ZNF610: variants seen among roughly 807,000 people sequenced by gnomAD.
The protein encoded by ZNF610 is zinc finger protein 610.
ZNF610 carries 14 observed loss-of-function variants against 14.1 expected under a neutral mutation model. The ratio of observed to expected loss-of-function variants is 0.99; its 90% CI spans 0.65 to 1.55. The LOEUF is 1.55. Among genes scored for constraint, ZNF610 ranks in the 40% most tolerant of loss-of-function variants. ZNF610 has a pLI of 0.00. For missense variants in ZNF610, 530 were observed against 558.0 expected, an observed-to-expected ratio of 0.95 and a Z score of 0.51; for synonymous variants, 185 against 187.6, an observed-to-expected ratio of 0.99 and a Z score of 0.11.
chr19:52,357,096 A>G (rs949545770), intron 5 of ZNF610, among the ~76,000 whole-genome samples: 17 of 152,236 alleles, frequency 1.1e-4, no homozygotes, highest in Admixed American at 2.0e-4. Flanking sequence ...GGAACTTTCG[A>G]CCAACTGGCT....
chr19:52,331,273 C>T (rs1376183910), upstream of ZNF610, among the ~76,000 whole-genome samples: 2 of 152,182 alleles, frequency 1.3e-5, no homozygotes, highest in Non-Finnish European at 2.9e-5. Context: ...GTATACTTAA[C>T]CTTTGTCTAA....
At chr19:52,337,297 G>A (rs1047960728) in intron 1 of ZNF610, among the ~76,000 whole-genome samples, 4 of 152,000 alleles carry the variant, frequency 2.6e-5, no homozygotes, top group African/African-American at 9.7e-5. Flanking sequence ...AGCATGGGGA[G>A]GCCTGGGATC....
rs143660464 is a variant in ZNF610 at position 52,341,224 on chromosome 19, C to A, written c.-258+4718C>A. 1.4e-3 allele frequency among the ~76,000 whole-genome samples: 217 copies of A among 152,316 alleles called. 8 individuals carry two copies. In the East Asian group the frequency reaches 0.03, roughly 21 times the overall value. ...TCTTGCCCCTAGTTCTTGGTTGACT[C>A]CATCCAATCAAGTTATCGCATCCAC... On this transcript the variant is annotated intron_variant, in intron 1 of 5. Transcript: ENST00000403906.
intron 5 of ZNF610, among the ~76,000 whole-genome samples, chr19:52,362,390 A>G (rs969005552): frequency 2.0e-5 from 3 of 152,218 alleles, no homozygotes; most frequent in Admixed American, 6.5e-5. Context: ...CAGCCTGGTG[A>G]CAGAGCGAGA....
intron 2 of ZNF610, among the ~76,000 whole-genome samples, chr19:52,348,734 T>A (rs1777694109): frequency 6.6e-6 from 1 of 152,176 alleles, no homozygotes; most frequent in African/African-American, 2.4e-5. Context: ...CATATCCTCA[T>A]GGATACGGGG....
At chr19:52,362,826 T>C (rs1985845415) in intron 5 of ZNF610, among the ~76,000 whole-genome samples, 1 of 152,224 alleles carries the variant, frequency 6.6e-6, no homozygotes, top group South Asian at 2.1e-4. Context: ...TAACATGAAG[T>C]CCATCCTGGA....
chr19:52,363,743 A>G (rs993078748), intron 5 of ZNF610, among the ~76,000 whole-genome samples: 4 of 152,100 alleles, frequency 2.6e-5, no homozygotes, highest in African/African-American at 9.7e-5. Flanking sequence ...GTTTCAGCCA[A>G]TTTATGTCTT....
At chr19:52,341,069 G>A (rs558265804) in intron 1 of ZNF610, among the ~76,000 whole-genome samples, 18 of 152,010 alleles carry the variant, frequency 1.2e-4, no homozygotes, top group Admixed American at 3.9e-4. Context: ...AAGCCTTTTC[G>A]TTCCATTTTT....
At chr19:52,333,925 A>C (rs1984262820), upstream of ZNF610, among the ~76,000 whole-genome samples, 1 of 152,208 alleles carries the variant, frequency 6.6e-6, no homozygotes, top group Admixed American at 6.5e-5. Context: ...CTATGGAGTC[A>C]CTGTTTTCAA....
At chr19:52,355,898 CTCT>C (rs1985501044) in intron 5 of ZNF610, among the ~76,000 whole-genome samples, 1 of 152,244 alleles carries the variant, frequency 6.6e-6, no homozygotes, top group Non-Finnish European at 1.5e-5. Context: ...CATTTGGAAC[CTCT>C]TGTGACCCCA....
chr19:52,365,062 G>A (rs62108312), intron 5 of ZNF610, among the ~76,000 whole-genome samples: 26,966 of 151,782 alleles, frequency 0.18, 2,677 homozygotes, highest in East Asian at 0.25. Flanking sequence ...TCTGGCCAAC[G>A]TGGTGAAACC....
At chr19:52,356,546 A>G (rs774977572) in intron 5 of ZNF610, among the ~76,000 whole-genome samples, 3 of 152,018 alleles carry the variant, frequency 2.0e-5, no homozygotes, top group Non-Finnish European at 4.4e-5. Flanking sequence ...CCATTGATTT[A>G]TATATTTTTG....
chr19:52,359,955 A>G (rs1006916253), intron 5 of ZNF610, among the ~76,000 whole-genome samples: 2 of 152,166 alleles, frequency 1.3e-5, no homozygotes, highest in African/African-American at 4.8e-5. Flanking sequence ...AGTTTATTAT[A>G]AAGGCTATTG....
At chr19:52,344,393 GTTTC>G (rs1336529410) in intron 1 of ZNF610, among the ~76,000 whole-genome samples, 5 of 152,166 alleles carry the variant, frequency 3.3e-5, no homozygotes, top group Middle Eastern at 3.4e-3. Flanking sequence ...AGCTGTGTGT[GTTTC>G]TTTCTTTCCC....
chr19:52,343,515 C>T (rs181888015), intron 1 of ZNF610, among the ~76,000 whole-genome samples: 3 of 151,760 alleles, frequency 2.0e-5, no homozygotes, highest in Non-Finnish European at 4.4e-5. Flanking sequence ...TGCAGCGAGC[C>T]GATATCATGC....
intron 1 of ZNF610, among the ~76,000 whole-genome samples, chr19:52,346,259 G>T (rs1984952372): frequency 6.6e-6 from 1 of 151,124 alleles, no homozygotes; most frequent in Non-Finnish European, 1.5e-5. Flanking sequence ...CTGCCTTCCG[G>T]GTTCCAGCGA....
chr19:52,355,233 T>C (rs1193032223), intron 5 of ZNF610, among the ~76,000 whole-genome samples: 1 of 152,126 alleles, frequency 6.6e-6, no homozygotes, highest in Non-Finnish European at 1.5e-5. Flanking sequence ...TCCCTGTAGG[T>C]CAAAGCTGAG....
At chr19:52,331,118 G>A in the ZNF610 span, among the ~76,000 whole-genome samples, 1 of 152,100 alleles carries the variant, frequency 6.6e-6, no homozygotes, top group Non-Finnish European at 1.5e-5. Context: ...GAGAATGTGA[G>A]GATTTTTATA....
At chr19:52,357,194 C>T (rs1037343759) in intron 5 of ZNF610, among the ~76,000 whole-genome samples, 1 of 152,136 alleles carries the variant, frequency 6.6e-6, no homozygotes. Flanking sequence ...ACATACTTAA[C>T]ATTTACAGGG....
Sources: gnomAD v4.1 joint callset for allele counts (sites outside exome capture counted in the v4.1 genomes callset) on GRCh38, gnomAD v4.1.1 for gene constraint, MANE v1.5 for transcripts, NCBI Gene and HGNC (gene_info 2026-07-23, HGNC 2026-07-21) for gene names.